Variants in ATP9A observed in about 807,000 individuals in gnomAD.
ATP9A encodes probable phospholipid-transporting ATPase IIA.
ATP9A carries 52 observed loss-of-function variants against 144.1 expected under a neutral mutation model. The observed-to-expected ratio is 0.36, with a 90% CI of 0.29 to 0.45. The LOEUF (loss-of-function observed/expected upper bound fraction) is 0.45, where lower values mean the gene tolerates loss of function less well. Ranked by LOEUF, ATP9A falls within the 20% of genes least tolerant of loss-of-function variation. The pLI is 1.00. For synonymous variants in ATP9A, 582 were observed against 557.4 expected, an observed-to-expected ratio of 1.04 and a Z score of -0.62; for missense variants, 947 against 1,392.7, an observed-to-expected ratio of 0.68 and a Z score of 5.09.
At chr20:51,767,933 CAG>C in intron 1 of ATP9A, among the ~76,000 whole-genome samples, 1 of 152,344 alleles carries the variant, frequency 6.6e-6, no homozygotes, top group East Asian at 1.9e-4. Context: ...ATTGTTACCT[CAG>C]ATATTAATTA....
In ATP9A at chr20:51,693,980, A is replaced by G. The variant is rs1029638195; in HGVS notation, c.642+28T>C. ...AACCCTGCTAAGATAGGTTGCCCGC[A>G]TGGGCTTCTGCAGGGAAAGCTACTC... On this transcript the variant is annotated intron_variant, in intron 7 of 27. Transcript: ENST00000338821. The G allele has an allele frequency of 8.7e-6, 14 of 1,600,716 alleles. No individual in the cohort carries two copies. In the African/African-American group the frequency reaches 1.9e-4, roughly 21 times the overall value.
intron 14 of ATP9A, among the ~76,000 whole-genome samples, chr20:51,639,986 T>C (rs568034938): frequency 1.9e-4 from 29 of 152,188 alleles, no homozygotes; most frequent in African/African-American, 6.5e-4. Context: ...CCCAGGAGGC[T>C]GAGGCAGGAG....
At chr20:51,765,963 A>T (rs1198084175) in intron 1 of ATP9A, among the ~76,000 whole-genome samples, 1 of 152,172 alleles carries the variant, frequency 6.6e-6, no homozygotes, top group African/African-American at 2.4e-5. Context: ...CTCAAAAAAA[A>T]AGAAAGATTA....
chr20:51,646,843 G>A (rs992943990), intron 14 of ATP9A, among the ~76,000 whole-genome samples: 1 of 152,116 alleles, frequency 6.6e-6, no homozygotes, highest in Non-Finnish European at 1.5e-5. Flanking sequence ...CTTGCCAGGC[G>A]CAGTGGCTCA....
intron 14 of ATP9A, among the ~76,000 whole-genome samples, chr20:51,647,624 G>A (rs977455042): frequency 1.3e-5 from 2 of 152,126 alleles, no homozygotes; most frequent in African/African-American, 2.4e-5. Context: ...CAGCTACCCA[G>A]GAGGCTAAGG....
chr20:51,714,484 C>T (rs1260628152), intron 3 of ATP9A, among the ~76,000 whole-genome samples: 4 of 152,012 alleles, frequency 2.6e-5, no homozygotes, highest in African/African-American at 9.7e-5. Flanking sequence ...CGGGCTCAAG[C>T]GATTCTCTTG....
At chr20:51,750,397 T>G (rs2077826226) in intron 1 of ATP9A, among the ~76,000 whole-genome samples, 1 of 152,084 alleles carries the variant, frequency 6.6e-6, no homozygotes. Context: ...CATGCATTTG[T>G]GTTTACCCAA....
intron 1 of ATP9A, among the ~76,000 whole-genome samples, chr20:51,765,955 C>CA (rs1352259900): frequency 4.7e-5 from 7 of 150,252 alleles, no homozygotes; most frequent in South Asian, 2.1e-4. Flanking sequence ...TACATCGTCT[C>CA]AAAAAAAAAG....
At chr20:51,713,908 G>A (rs2122851975) in intron 3 of ATP9A, among the ~76,000 whole-genome samples, 1 of 152,236 alleles carries the variant, frequency 6.6e-6, no homozygotes, top group East Asian at 1.9e-4. Flanking sequence ...AATGTCTTCA[G>A]TTTTTTGTTT....
At position 51,604,945 on chromosome 20, in the gene ATP9A, G is replaced by A. The variant is rs1347997428; in HGVS notation, c.2879C>T (p.Ser960Leu). The A allele has an allele frequency of 6.2e-7, 1 of 1,613,450 alleles. No individual in the cohort carries two copies. Among genetic ancestry groups the A allele is most frequent in the Non-Finnish European group, 8.5e-7 (1 of 1,179,740 alleles). The change falls in exon 27 of 28, where the codon TCG (serine) becomes TTG (leucine). Residue 960 changes from serine (S) to leucine (L), a missense_variant. Physicochemically the swap from Ser to Leu is moderately radical, Grantham distance 145 (BLOSUM62 -2). Coordinates refer to ENST00000338821, the MANE Select transcript of ATP9A (RefSeq NM_006045.3). ...CATGAGCAGCTCGGTGAGGATCAGCGAGGTGAAGGAGATGGCCACGATGTG... is the reference window on the plus strand; with the variant it reads ...CATGAGCAGCTCGGTGAGGATCAGCAAGGTGAAGGAGATGGCCACGATGTG... The part of the protein sequence containing the change: ...FVHIVAISFT[S>L]LILTELLMVA...
At chr20:51,613,572 T>C (rs559769508) in intron 23 of ATP9A, 105 bp downstream of exon 23, 2 of 1,247,806 alleles carry the variant, frequency 1.6e-6, no homozygotes, top group South Asian at 1.9e-5. Context: ...GCTTTTTCCA[T>C]GATAATTACA....
At chr20:51,612,129 G>A (rs1288339612) in intron 23 of ATP9A, among the ~76,000 whole-genome samples, 1 of 152,086 alleles carries the variant, frequency 6.6e-6, no homozygotes, top group African/African-American at 2.4e-5. Flanking sequence ...CAGTGGCCCT[G>A]TCCGAGGGCA....
chr20:51,646,436 A>T (rs967364990), intron 14 of ATP9A, among the ~76,000 whole-genome samples: 8 of 152,228 alleles, frequency 5.3e-5, no homozygotes, highest in Non-Finnish European at 4.4e-5. Flanking sequence ...ACAAAGAGTC[A>T]CCGGTCAGCC....
intron 22 of ATP9A, 111 bp downstream of exon 22, chr20:51,617,379 G>T: frequency 8.7e-7 from 1 of 1,154,476 alleles, no homozygotes; most frequent in Non-Finnish European, 1.3e-6. Context: ...GATTCCTTAT[G>T]TTTTATCATT....
intron 1 of ATP9A, among the ~76,000 whole-genome samples, chr20:51,737,394 T>C (rs1385367447): frequency 3.9e-5 from 6 of 152,192 alleles, no homozygotes; most frequent in African/African-American, 1.2e-4. Flanking sequence ...TCTGCCACAA[T>C]GGACAGATTT....
intron 1 of ATP9A, among the ~76,000 whole-genome samples, chr20:51,736,055 T>G (rs1601136689): frequency 6.7e-6 from 1 of 150,214 alleles, no homozygotes; most frequent in Non-Finnish European, 1.5e-5. Flanking sequence ...GCCAGGGAGG[T>G]GAGGGGACAG....
chr20:51,763,630 T>A (rs2077891970), intron 1 of ATP9A, among the ~76,000 whole-genome samples: 1 of 152,182 alleles, frequency 6.6e-6, no homozygotes, highest in African/African-American at 2.4e-5. Flanking sequence ...ATACTTTCAA[T>A]AGATGTATGC....
intron 2 of ATP9A, among the ~76,000 whole-genome samples, chr20:51,727,097 T>A (rs2077717712): frequency 6.7e-6 from 1 of 149,728 alleles, no homozygotes; most frequent in South Asian, 2.1e-4. Flanking sequence ...ATCAAGACCA[T>A]CCTGCCCAAC....
intron 3 of ATP9A, among the ~76,000 whole-genome samples, chr20:51,719,914 T>C (rs2077681492): frequency 1.3e-5 from 2 of 152,166 alleles, no homozygotes; most frequent in South Asian, 4.2e-4. Context: ...CTGGGCGTGA[T>C]GGCACACACC....
Sources: allele counts gnomAD v4.1 joint callset (sites outside exome capture counted in the v4.1 genomes callset), GRCh38; gene constraint gnomAD v4.1.1; transcripts MANE v1.5; gene names NCBI Gene and HGNC (gene_info 2026-07-23, HGNC 2026-07-21).